TMEM62: variants seen among roughly 807,000 people sequenced by gnomAD.
The protein encoded by TMEM62 is transmembrane protein 62.
TMEM62 carries 41 observed loss-of-function variants against 70.4 expected under a neutral mutation model. The observed-to-expected ratio is 0.58, with a 90% CI of 0.45 to 0.76. TMEM62 has a LOEUF of 0.76. Among genes scored for constraint, TMEM62 ranks in the 30% least tolerant of loss-of-function variants. The pLI, the probability that TMEM62 is intolerant of heterozygous loss-of-function variation, is 0.00. For missense variants in TMEM62, 688 were observed against 788.5 expected, an observed-to-expected ratio of 0.87 and a Z score of 1.53; for synonymous variants, 268 against 291.0, an observed-to-expected ratio of 0.92 and a Z score of 0.80.
At chr15:43,171,107 G>A (rs1057077739) in intron 11 of TMEM62, among the ~76,000 whole-genome samples, 1 of 152,098 alleles carries the variant, frequency 6.6e-6, no homozygotes, top group Admixed American at 6.6e-5. Flanking sequence ...AGGCCGAGAC[G>A]GGCAGATCAC....
chr15:43,159,820 C>T (rs754382686), intron 9 of TMEM62, among the ~76,000 whole-genome samples: 14 of 152,048 alleles, frequency 9.2e-5, no homozygotes, highest in Non-Finnish European at 1.8e-4. Context: ...AACCTGGGCA[C>T]CAGCCTAGGT....
At chr15:43,178,570 A>C in intron 11 of TMEM62, 37 bp from the exon 12 acceptor site, 1 of 1,306,816 alleles carries the variant, frequency 7.7e-7, no homozygotes, top group Non-Finnish European at 1.1e-6. Context: ...TGAACTTTGC[A>C]TGTGTTCACT....
chr15:43,141,570 C>G (rs1047097442), intron 4 of TMEM62, among the ~76,000 whole-genome samples: 1 of 152,210 alleles, frequency 6.6e-6, no homozygotes, highest in African/African-American at 2.4e-5. Context: ...TGCCTGCTAG[C>G]GCAGTATTCA....
chr15:43,169,523 G>C, intron 10 of TMEM62, 70 bp from the exon 11 acceptor site: 1 of 1,344,380 alleles, frequency 7.4e-7, no homozygotes, highest in African/African-American at 1.5e-5. Context: ...TGTTAATAAG[G>C]CTACTTTAAA....
At chr15:43,157,001 CTTCA>C (rs1362711795) in intron 9 of TMEM62, among the ~76,000 whole-genome samples, 3 of 152,108 alleles carry the variant, frequency 2.0e-5, no homozygotes, top group African/African-American at 4.8e-5. Context: ...AACCTGGTCC[CTTCA>C]TTCATTCATG....
intron 3 of TMEM62, 48 bp downstream of exon 3, chr15:43,135,697 C>G (rs754435769): frequency 2.0e-6 from 3 of 1,517,316 alleles, no homozygotes; most frequent in South Asian, 2.7e-5. Context: ...TTTTTTCCCC[C>G]TTCAGGAACC....
intron 3 of TMEM62, 71 bp downstream of exon 3, chr15:43,135,720 C>G: frequency 6.8e-7 from 1 of 1,480,772 alleles, no homozygotes; most frequent in Non-Finnish European, 9.0e-7. Context: ...GATTTTCCAA[C>G]TTAGATTGTA....
chr15:43,142,844 G>GT, intron 4 of TMEM62, among the ~76,000 whole-genome samples: 1 of 149,222 alleles, frequency 6.7e-6, no homozygotes, highest in East Asian at 2.0e-4. Context: ...TAATTACTGT[G>GT]TTTTTTATAG....
In TMEM62 at chr15:43,133,983, G is replaced by A; in HGVS notation, c.180+1G>A. 1 of 1,442,908 alleles carries A rather than the reference G, an allele frequency of 6.9e-7. No homozygotes were observed. Among genetic ancestry groups the A allele is most frequent in the Admixed American group, 2.8e-5 (1 of 35,746 alleles). The allele number at this position is 1,442,908 out of a possible 1,614,324, so 89.4% of individuals were successfully genotyped here. A position where few individuals can be genotyped will look rare whatever the true frequency, so the allele number is the denominator to read the frequency against. ...CAGCAACATCTTCTGGGGCCTGCAGGTGACGCGGCGGGAAGCCGGGCCGGG... is the reference window on the plus strand; with the variant it reads ...CAGCAACATCTTCTGGGGCCTGCAGATGACGCGGCGGGAAGCCGGGCCGGG... On this transcript the variant is annotated splice_donor_variant, in intron 1 of 13. Coordinates refer to ENST00000260403, the MANE Select transcript of TMEM62 (RefSeq NM_024956.4). LOFTEE classifies it high-confidence loss of function.
At position 43,161,102 on chromosome 15, in the gene TMEM62, C is replaced by A. The variant is rs577017478; in HGVS notation, c.1296+308C>A. Among the ~76,000 whole-genome samples the A allele has an allele frequency of 5.9e-5, 9 of 152,084 alleles. No homozygotes were observed. In the South Asian group the frequency reaches 1.9e-3, roughly 32 times the overall value. ...GAAAAAACATAATATATATAGGGTT[C>A]GGTACTATCTGTGTTTTCAGGCATC... On this transcript the variant is annotated intron_variant, in intron 10 of 13. Transcript: ENST00000260403.
chr15:43,167,082 G>C (rs1480705166), intron 10 of TMEM62, among the ~76,000 whole-genome samples: 1 of 152,148 alleles, frequency 6.6e-6, no homozygotes, highest in Non-Finnish European at 1.5e-5. Context: ...TGGCCGGGCA[G>C]AGGGGCTCCT....
At chr15:43,158,936 T>C (rs2038350609) in intron 9 of TMEM62, among the ~76,000 whole-genome samples, 1 of 152,244 alleles carries the variant, frequency 6.6e-6, no homozygotes, top group South Asian at 2.1e-4. Flanking sequence ...TTATTTTCCA[T>C]GCTCAAATTG....
At chr15:43,155,270 G>C (rs1169032786) in intron 9 of TMEM62, among the ~76,000 whole-genome samples, 3 of 152,020 alleles carry the variant, frequency 2.0e-5, no homozygotes. Context: ...GCTGAGGCTG[G>C]AGGATCGCTT....
intron 4 of TMEM62, among the ~76,000 whole-genome samples, chr15:43,145,623 C>T (rs980892656): frequency 6.6e-6 from 1 of 152,096 alleles, no homozygotes; most frequent in Non-Finnish European, 1.5e-5. Context: ...TATATTTACT[C>T]GGGTTACATT....
intron 10 of TMEM62, among the ~76,000 whole-genome samples, chr15:43,162,928 A>G (rs2038930318): frequency 1.3e-5 from 2 of 151,718 alleles, no homozygotes; most frequent in Non-Finnish European, 2.9e-5. Flanking sequence ...ATTTATATAC[A>G]TAATTACATA....
intron 10 of TMEM62, among the ~76,000 whole-genome samples, chr15:43,168,351 G>C (rs1446129738): frequency 6.6e-6 from 1 of 152,126 alleles, no homozygotes; most frequent in Non-Finnish European, 1.5e-5. Flanking sequence ...ATAGTACTGG[G>C]TCTTGTCCAA....
chr15:43,167,104 A>T (rs920192514), intron 10 of TMEM62, among the ~76,000 whole-genome samples: 1 of 139,270 alleles, frequency 7.2e-6, no homozygotes, highest in South Asian at 2.4e-4. Context: ...ACTTCCCAGT[A>T]GGGGCGGCTG....
At chr15:43,159,649 T>TG (rs1263685634) in intron 9 of TMEM62, among the ~76,000 whole-genome samples, 9 of 152,218 alleles carry the variant, frequency 5.9e-5, no homozygotes, top group African/African-American at 2.4e-5. Flanking sequence ...CATCTGTTGA[T>TG]GGACACTTAG....
chr15:43,183,990 T>A (rs1306537699), intron 13 of TMEM62: 2 of 460,604 alleles, frequency 4.3e-6, no homozygotes, highest in Admixed American at 7.6e-5. Flanking sequence ...CTTAACACCA[T>A]TGGGTATTAA....
Sources: gnomAD v4.1 joint callset for allele counts (sites outside exome capture counted in the v4.1 genomes callset) on GRCh38, gnomAD v4.1.1 for gene constraint, MANE v1.5 for transcripts, NCBI Gene and HGNC (gene_info 2026-07-23, HGNC 2026-07-21) for gene names.